The following TRARG1 variants were observed in gnomAD, a reference collection of about 807,000 sequenced individuals.
TRARG1 encodes trafficking regulator of GLUT4 1.
In TRARG1, 16 loss-of-function variants were observed where a neutral mutation model predicts 13.3. The ratio of observed to expected loss-of-function variants is 1.20; its 90% confidence interval spans 0.81 to 1.83. The LOEUF is 1.83. Ranked by LOEUF, TRARG1 falls within the 40% of genes most tolerant of loss-of-function variation. The pLI is 0.00. For synonymous variants in TRARG1, 113 were observed against 106.2 expected, an observed-to-expected ratio of 1.06 and a Z score of -0.39; for missense variants, 250 against 237.4, an observed-to-expected ratio of 1.05 and a Z score of -0.35.
chr17:1,291,476 T>G (rs2072068982), intron 1 of TRARG1, among the ~76,000 whole-genome samples: 1 of 152,214 alleles, frequency 6.6e-6, no homozygotes, highest in Non-Finnish European at 1.5e-5. Context: ...CGCCATGTGG[T>G]GAAGGACGTG....
At chr17:1,282,677 T>C (rs11078516) in intron 1 of TRARG1, among the ~76,000 whole-genome samples, 111,038 of 151,356 alleles carry the variant, frequency 0.73, 40,866 homozygotes, top group East Asian at 0.88. Flanking sequence ...CCTGTTTCTA[T>C]ATTCTTTAAA....
chr17:1,288,307 ACGGG>A, intron 1 of TRARG1, among the ~76,000 whole-genome samples: 2 of 27,960 alleles, frequency 7.2e-5, no homozygotes, highest in South Asian at 1.3e-3. Flanking sequence ...CCCATCCCCC[ACGGG>A]TTCCCCATCC....
intron 2 of TRARG1, among the ~76,000 whole-genome samples, chr17:1,296,145 G>A (rs1488564963): frequency 6.6e-6 from 1 of 152,232 alleles, no homozygotes; most frequent in Non-Finnish European, 1.5e-5. Context: ...GCACCCATAG[G>A]TGGCCCGGTG....
At chr17:1,283,339 C>T (rs938810896) in intron 1 of TRARG1, among the ~76,000 whole-genome samples, 1 of 152,086 alleles carries the variant, frequency 6.6e-6, no homozygotes, top group Non-Finnish European at 1.5e-5. Context: ...ATAATGGGTA[C>T]GTAAGTGGCA....
rs1210751371 is a variant in TRARG1 at position 1,299,323 on chromosome 17, G to T, written c.*1059G>T. 1 of 152,314 alleles carries T rather than the reference G, an allele frequency of 6.6e-6. No individual in the cohort carries two copies. The highest frequency in any genetic ancestry group is 1.5e-5 in the Non-Finnish European group (1 of 68,106). 9.4% of individuals were successfully genotyped at this position (152,314 alleles called of 1,614,324 possible). On this transcript the variant is annotated 3_prime_UTR_variant, in exon 3 of 3. Transcript: ENST00000333813. ...GGGGGGACTTCCCAAAGGGTCCCAG[G>T]CTGTCAGGGGCGTTTGCGCCACCTG...
rs578055707 is a variant in TRARG1 at position 1,300,526 on chromosome 17, C to T, written c.*2262C>T. 6.5e-6 allele frequency: 1 copy of T among 153,030 alleles called. No individual in the cohort carries two copies. The highest frequency in any genetic ancestry group is 1.9e-4 in the East Asian group (1 of 5,206). The allele number at this position is 153,030 out of a possible 1,614,324, so 9.5% of individuals were successfully genotyped here. ...GCCACAGCCACCGCTTAGGGGAAGC[C>T]ACTGCAGATGCCCCTGGAATGGGCA... On this transcript the variant is annotated 3_prime_UTR_variant, in exon 3 of 3. Coordinates refer to ENST00000333813, the MANE Select transcript of TRARG1 (RefSeq NM_172367.3).
intron 1 of TRARG1, 150 bp from the exon 2 acceptor site, chr17:1,295,341 T>G: frequency 1.0e-6 from 1 of 997,246 alleles, no homozygotes. Flanking sequence ...GGGACAGCCC[T>G]CTTCCTCTCC....
chr17:1,282,393 C>CA (rs556537837), intron 1 of TRARG1, among the ~76,000 whole-genome samples: 1 of 119,256 alleles, frequency 8.4e-6, no homozygotes, highest in Non-Finnish European at 1.7e-5. Context: ...TATTTTAAGA[C>CA]AGAGTCTTGC....
At chr17:1,282,928 G>A (rs919813244) in intron 1 of TRARG1, among the ~76,000 whole-genome samples, 8 of 152,122 alleles carry the variant, frequency 5.3e-5, no homozygotes, top group African/African-American at 1.9e-4. Flanking sequence ...GATCTCAGGT[G>A]ATCCTCCCAC....
At chr17:1,283,138 T>C (rs2071996084) in intron 1 of TRARG1, among the ~76,000 whole-genome samples, 1 of 152,284 alleles carries the variant, frequency 6.6e-6, no homozygotes, top group Non-Finnish European at 1.5e-5. Flanking sequence ...TTTCCAGAAG[T>C]GCCCGTGGTA....
intron 2 of TRARG1, 88 bp downstream of exon 2, chr17:1,295,711 G>A: frequency 2.1e-6 from 3 of 1,448,800 alleles, no homozygotes; most frequent in South Asian, 1.4e-5. Flanking sequence ...GGGCAGAGGT[G>A]GTGGGTTGGG....
rs1555630840 is a variant in TRARG1, at chr17:1,282,253, T to TACGTATATGC, written c.387+1874_387+1875insCACGTATATG. ...ATATGTACGTATATGCACGTATATGTACGTATATGTACATATATGCACGTA... is the reference window on the plus strand; with the variant it reads ...ATATGTACGTATATGCACGTATATGTACGTATATGCACGTATATGTACATATATGCACGTA... On this transcript the variant is annotated intron_variant, in intron 1 of 2. Transcript: ENST00000333813. 1.0e-3 allele frequency among the ~76,000 whole-genome samples: 107 copies of TACGTATATGC among 105,436 alleles called. 2 individuals are homozygous for TACGTATATGC. Among genetic ancestry groups the TACGTATATGC allele is most frequent in the South Asian group, 2.2e-3 (6 of 2,696 alleles). 69.2% of individuals were successfully genotyped at this position (105,436 alleles called of 152,430 possible). A position where few individuals can be genotyped will look rare whatever the true frequency, so the allele number is the denominator to read the frequency against.
intron 1 of TRARG1, among the ~76,000 whole-genome samples, chr17:1,294,749 A>C (rs1393201426): frequency 1.3e-5 from 2 of 149,438 alleles, no homozygotes; most frequent in African/African-American, 5.0e-5. Context: ...GCAGTGGCAC[A>C]ATCTTGGCTC....
chr17:1,289,753 G>A (rs957787782), intron 1 of TRARG1, among the ~76,000 whole-genome samples: 2 of 151,762 alleles, frequency 1.3e-5, no homozygotes, highest in Non-Finnish European at 1.5e-5. Context: ...TTGCATCCCC[G>A]TGTGACGACT....
At chr17:1,291,483 C>T (rs752447352) in intron 1 of TRARG1, among the ~76,000 whole-genome samples, 2 of 152,224 alleles carry the variant, frequency 1.3e-5, no homozygotes, top group Non-Finnish European at 2.9e-5. Context: ...TGGTGAAGGA[C>T]GTGTTTACCG....
intron 1 of TRARG1, among the ~76,000 whole-genome samples, chr17:1,290,858 C>G (rs939566524): frequency 6.6e-6 from 1 of 151,476 alleles, no homozygotes; most frequent in Admixed American, 6.6e-5. Context: ...GTTACCCCCA[C>G]GCTGCTGCTC....
Position 1,281,978 on chromosome 17 carries a change from A to G in TRARG1, c.387+1590A>G, listed in dbSNP as rs575259037. ...TACATGTACATATATGCACACGTGT[A>G]CATATATGTACATATATACAGATAT... On this transcript the variant is annotated intron_variant, in intron 1 of 2. Transcript: ENST00000333813. Among the ~76,000 whole-genome samples the G allele has an allele frequency of 9.4e-5, 14 of 148,820 alleles. No individual in the cohort carries two copies. In the Middle Eastern group the frequency reaches 0.011, roughly 112 times the overall value.
rs1415519506 is a variant in TRARG1 at position 1,298,902 on chromosome 17, A to C, written c.*638A>C. The C allele has an allele frequency of 6.6e-6, 1 of 152,328 alleles. No individual in the cohort carries two copies. The highest frequency in any genetic ancestry group is 1.5e-5 in the Non-Finnish European group (1 of 68,110). 9.4% of individuals were successfully genotyped at this position (152,328 alleles called of 1,614,324 possible). On this transcript the variant is annotated 3_prime_UTR_variant, in exon 3 of 3. Coordinates refer to ENST00000333813, the MANE Select transcript of TRARG1 (RefSeq NM_172367.3). ...TGCCTCACTTAACATCCTCCGCTGC[A>C]AGGTGGTGGCGCCGAGAGGCGTGTC... is the stretch of plus-strand genomic sequence containing the variant.
chr17:1,282,179 T>G (rs1353675121), intron 1 of TRARG1, among the ~76,000 whole-genome samples: 1 of 143,788 alleles, frequency 7.0e-6, no homozygotes, highest in Non-Finnish European at 1.5e-5. Flanking sequence ...CGTATACACG[T>G]GCGTATATGT....
Sources: allele counts gnomAD v4.1 joint callset (sites outside exome capture counted in the v4.1 genomes callset), GRCh38; gene constraint gnomAD v4.1.1; transcripts MANE v1.5; gene names NCBI Gene and HGNC (gene_info 2026-07-23, HGNC 2026-07-21).